The following ASTN1 variants were observed in gnomAD, a reference collection of about 807,000 sequenced individuals.
The protein encoded by ASTN1 is astrotactin 1.
ASTN1 carries 41 observed loss-of-function variants against 140.7 expected under a neutral mutation model. That is an observed-to-expected ratio of 0.29 (90% confidence interval 0.23 to 0.38). The LOEUF (loss-of-function observed/expected upper bound fraction) is 0.38. Among genes scored for constraint, ASTN1 ranks in the 10% least tolerant of loss-of-function variants. The probability of loss-of-function intolerance (pLI) is 1.00; values close to 1 mark genes in which losing one functional copy is unlikely to be tolerated. For synonymous variants in ASTN1, 640 were observed against 652.2 expected (o/e 0.98, Z 0.29); for missense variants, 1,479 against 1,678.8 (o/e 0.88, Z 2.08).
At chr1:177,089,103 T>C (rs1315881904) in intron 1 of ASTN1, among the ~76,000 whole-genome samples, 2 of 152,154 alleles carry the variant, frequency 1.3e-5, no homozygotes, top group East Asian at 3.9e-4. Flanking sequence ...TTTTCTTGGC[T>C]ATATAACTAG....
intron 1 of ASTN1, among the ~76,000 whole-genome samples, chr1:177,096,400 T>C (rs1680026739): frequency 6.6e-6 from 1 of 152,146 alleles, no homozygotes; most frequent in African/African-American, 2.4e-5. Context: ...CCAAACATCA[T>C]ATGTTGAAAC....
chr1:177,140,235 A>C (rs991128052), intron 1 of ASTN1, among the ~76,000 whole-genome samples: 1 of 152,212 alleles, frequency 6.6e-6, no homozygotes, highest in African/African-American at 2.4e-5. Context: ...TCTGCCAAGA[A>C]GCCACCATGG....
Position 176,861,825 on chromosome 1 carries a change from T to C in ASTN1, c.*2459A>G. On this transcript the variant is annotated 3_prime_UTR_variant, in exon 23 of 23. Transcript: ENST00000361833. The stretch of plus-strand genomic sequence containing the variant: ...AAGTAAAAGACAAAGATAAAGAAGG[T>C]AGAGGAACTTGGGAGACTGAGGGAA... The C allele has an allele frequency of 1.0e-6, 1 of 985,006 alleles. No homozygotes were observed. Among genetic ancestry groups the C allele is most frequent in the Non-Finnish European group, 1.2e-6 (1 of 829,872 alleles). The allele number at this position is 985,006 out of a possible 1,614,324, so 61.0% of individuals were successfully genotyped here.
intron 16 of ASTN1, among the ~76,000 whole-genome samples, chr1:176,907,105 G>C (rs6425403): frequency 0.84 from 127,425 of 152,106 alleles, 53,549 homozygotes; most frequent in Middle Eastern, 0.95. Context: ...CTTTTAACAG[G>C]CAAATGTTAA....
chr1:176,956,848 G>A (rs1672426942), intron 11 of ASTN1, among the ~76,000 whole-genome samples: 1 of 152,204 alleles, frequency 6.6e-6, no homozygotes, highest in Admixed American at 6.5e-5. Flanking sequence ...CATCCATGAT[G>A]TGGGAGATAG....
chr1:176,896,696 C>T (rs1669520307), intron 16 of ASTN1, among the ~76,000 whole-genome samples: 1 of 152,176 alleles, frequency 6.6e-6, no homozygotes, highest in Non-Finnish European at 1.5e-5. Flanking sequence ...AGAGAGCTCT[C>T]TGCACCCCAT....
chr1:176,960,213 A>C (rs545616371), intron 9 of ASTN1, among the ~76,000 whole-genome samples: 1 of 152,344 alleles, frequency 6.6e-6, no homozygotes, highest in African/African-American at 2.4e-5. Flanking sequence ...TTCATAATGG[A>C]CATCCTTGAG....
intron 1 of ASTN1, among the ~76,000 whole-genome samples, chr1:177,156,236 C>G (rs868517161): frequency 6.6e-6 from 1 of 150,994 alleles, no homozygotes; most frequent in Non-Finnish European, 1.5e-5. Context: ...CACCACTGCA[C>G]TCCAGCGTGG....
At chr1:176,894,422 C>T in intron 17 of ASTN1, 140 bp downstream of exon 17, 1 of 1,138,068 alleles carries the variant, frequency 8.8e-7, no homozygotes, top group Non-Finnish European at 1.2e-6. Context: ...AAATTAGGTG[C>T]CCAGATTAGC....
intron 8 of ASTN1, among the ~76,000 whole-genome samples, chr1:177,013,216 C>T (rs2101936850): frequency 6.6e-6 from 1 of 152,260 alleles, no homozygotes; most frequent in South Asian, 2.1e-4. Context: ...CAAATTCTGC[C>T]AAAACTGAGC....
downstream of ASTN1, among the ~76,000 whole-genome samples, chr1:176,860,619 A>T (rs921348640): frequency 9.9e-5 from 15 of 151,896 alleles, no homozygotes; most frequent in East Asian, 2.9e-3. Flanking sequence ...ATTTTTCTTC[A>T]ACATTTTTCT....
intron 1 of ASTN1, among the ~76,000 whole-genome samples, chr1:177,062,245 T>G (rs974454188): frequency 9.2e-5 from 14 of 152,090 alleles, no homozygotes; most frequent in African/African-American, 3.4e-4. Context: ...TTTCTTTTTT[T>G]TTTTCTTTTT....
At chr1:176,994,493 G>A (rs962168430) in intron 8 of ASTN1, among the ~76,000 whole-genome samples, 4 of 152,020 alleles carry the variant, frequency 2.6e-5, no homozygotes, top group Non-Finnish European at 4.4e-5. Context: ...ACAGGCTTGT[G>A]CCACCACACT....
At chr1:176,929,832 C>A (rs1381889747) in intron 16 of ASTN1, among the ~76,000 whole-genome samples, 1 of 152,136 alleles carries the variant, frequency 6.6e-6, no homozygotes, top group Non-Finnish European at 1.5e-5. Flanking sequence ...CACGGTGAAA[C>A]CCCATCTCTA....
At chr1:176,982,324 G>T (rs939566540) in intron 8 of ASTN1, among the ~76,000 whole-genome samples, 2 of 152,326 alleles carry the variant, frequency 1.3e-5, no homozygotes, top group East Asian at 3.9e-4. Context: ...CCGAGGGGCC[G>T]GTAACTCAGG....
At chr1:176,943,856 G>C (rs781160378) in intron 14 of ASTN1, 35 bp downstream of exon 14, 1 of 1,549,754 alleles carries the variant, frequency 6.5e-7, no homozygotes, top group East Asian at 2.3e-5. Flanking sequence ...CTGCCTGTTT[G>C]TGCCAGTTGA....
intron 7 of ASTN1, among the ~76,000 whole-genome samples, chr1:177,020,202 T>G (rs1364812278): frequency 6.6e-6 from 1 of 152,188 alleles, no homozygotes; most frequent in Non-Finnish European, 1.5e-5. Flanking sequence ...TTTTCTCTCC[T>G]TCCTTAGTGT....
intron 1 of ASTN1, among the ~76,000 whole-genome samples, chr1:177,068,251 A>G (rs1434986349): frequency 6.6e-6 from 1 of 152,148 alleles, no homozygotes; most frequent in East Asian, 1.9e-4. Flanking sequence ...CTTTCTCCAA[A>G]CAGGCTTGAG....
intron 1 of ASTN1, among the ~76,000 whole-genome samples, chr1:177,129,503 G>T (rs1333608976): frequency 6.6e-6 from 1 of 152,166 alleles, no homozygotes; most frequent in Non-Finnish European, 1.5e-5. Flanking sequence ...CTGAGAGGCT[G>T]AATATCTTTG....
Sources: gnomAD v4.1 joint callset for allele counts (sites outside exome capture counted in the v4.1 genomes callset) on GRCh38, gnomAD v4.1.1 for gene constraint, MANE v1.5 for transcripts, NCBI Gene and HGNC (gene_info 2026-07-23, HGNC 2026-07-21) for gene names.